KLF17: variants seen among roughly 807,000 people sequenced by gnomAD.
KLF17 encodes KLF transcription factor 17, also known as Krueppel-like factor 17.
A neutral mutation model predicts 34.2 loss-of-function variants in KLF17; 31 were observed. That is an observed-to-expected ratio of 0.91 (90% CI 0.68 to 1.22). The LOEUF (loss-of-function observed/expected upper bound fraction) is 1.22. KLF17 is among the 50% of genes most tolerant of loss of function. The pLI is 0.00. For missense variants in KLF17, 478 were observed against 505.2 expected (o/e 0.95, Z 0.52); for synonymous variants, 179 against 186.7 (o/e 0.96, Z 0.34).
chr1:44,119,212 G>A (rs938914841), intron 1 of KLF17, among the ~76,000 whole-genome samples: 1 of 151,984 alleles, frequency 6.6e-6, no homozygotes, highest in African/African-American at 2.4e-5. Context: ...GGAGACTGGG[G>A]AGGGATTGGA....
At chr1:44,090,794 A>C in the KLF17 span, among the ~76,000 whole-genome samples, 6 of 152,254 alleles carry the variant, frequency 3.9e-5, no homozygotes, top group African/African-American at 1.4e-4. Flanking sequence ...AGGGGAAAAG[A>C]ATCAAAAGGT....
the KLF17 span, among the ~76,000 whole-genome samples, chr1:44,089,211 C>T: frequency 5.3e-5 from 8 of 152,230 alleles, no homozygotes; most frequent in Admixed American, 5.2e-4. Flanking sequence ...ATGCATGTAA[C>T]TACTAGGAGG....
chr1:44,132,231 G>A (rs1328784434), intron 3 of KLF17, among the ~76,000 whole-genome samples: 2 of 152,136 alleles, frequency 1.3e-5, no homozygotes, highest in East Asian at 1.9e-4. Context: ...GCTTGAACCC[G>A]GGAGGTGGAG....
chr1:44,109,482 G>C, the KLF17 span, among the ~76,000 whole-genome samples: 2 of 152,196 alleles, frequency 1.3e-5, no homozygotes, highest in African/African-American at 4.8e-5. Flanking sequence ...AGACTGATTT[G>C]ATGATTTTGC....
the KLF17 span, among the ~76,000 whole-genome samples, chr1:44,073,770 C>T: frequency 6.6e-6 from 1 of 152,168 alleles, no homozygotes; most frequent in Non-Finnish European, 1.5e-5. Flanking sequence ...TCCCTCGGCT[C>T]CAGTGTCTGC....
the KLF17 span, among the ~76,000 whole-genome samples, chr1:44,108,660 C>CTTTT: frequency 0.24 from 18,268 of 75,066 alleles, 3,354 homozygotes; most frequent in Non-Finnish European, 0.28. Context: ...TTTGTTAGCT[C>CTTTT]TTTTTTTTTT....
rs2088139959 is a variant in KLF17, at chr1:44,133,860, G to A, written c.*623G>A. The A allele has an allele frequency of 1.3e-5, 2 of 152,184 alleles. No homozygotes were observed. Among genetic ancestry groups the A allele is most frequent in the Non-Finnish European group, 2.9e-5 (2 of 68,042 alleles). The allele number at this position is 152,184 out of a possible 1,614,324, so 9.4% of individuals were successfully genotyped here. On this transcript the variant is annotated 3_prime_UTR_variant, in exon 4 of 4. Transcript: ENST00000372299. ...GGAATGGACATTATTAAAAGAACAG[G>A]GGCAGAAGTGGCTCATTTATGACCC...
At chr1:44,066,383 A>G in the KLF17 span, among the ~76,000 whole-genome samples, 4 of 144,540 alleles carry the variant, frequency 2.8e-5, no homozygotes, top group East Asian at 6.0e-4. Context: ...GTATGATAAT[A>G]CTTTCCTTTT....
the KLF17 span, among the ~76,000 whole-genome samples, chr1:44,107,969 G>A: frequency 1.8e-3 from 267 of 152,330 alleles, 3 homozygotes; most frequent in African/African-American, 6.1e-3. Context: ...GAGGACTAGT[G>A]TATATTGAAT....
the KLF17 span, chr1:44,105,586 T>C: frequency 6.6e-6 from 1 of 152,226 alleles, no homozygotes; most frequent in African/African-American, 2.4e-5. Flanking sequence ...TTTTCCTTTA[T>C]CATCTTATTT....
the KLF17 span, among the ~76,000 whole-genome samples, chr1:44,071,991 T>G: frequency 0.079 from 11,872 of 149,910 alleles, 455 homozygotes; most frequent in African/African-American, 0.095. Flanking sequence ...TGTTTTTTTT[T>G]GGGGGGGGAC....
intron 1 of KLF17, among the ~76,000 whole-genome samples, chr1:44,119,992 T>C (rs1395615975): frequency 1.3e-5 from 2 of 152,184 alleles, no homozygotes; most frequent in African/African-American, 4.8e-5. Flanking sequence ...ATGGAGAAGC[T>C]AAATATATCA....
chr1:44,056,879 G>A, the KLF17 span, among the ~76,000 whole-genome samples: 1 of 151,952 alleles, frequency 6.6e-6, no homozygotes, highest in Admixed American at 6.6e-5. Context: ...ATGGCTAACA[G>A]GAGGTCACTT....
upstream of KLF17, chr1:44,114,712 T>C (rs113919878): frequency 2.6e-5 from 4 of 152,192 alleles, no homozygotes; most frequent in African/African-American, 9.7e-5. Context: ...TTAACAATAA[T>C]AGATCCAACT....
chr1:44,069,641 A>T, the KLF17 span, among the ~76,000 whole-genome samples: 4 of 152,184 alleles, frequency 2.6e-5, no homozygotes, highest in Admixed American at 6.5e-5. The surrounding 1 kb of genome is among the most constrained non-coding windows in gnomAD (Gnocchi z 4.7). Flanking sequence ...AACACCTCCC[A>T]CTAGGCCCCA....
intron 1 of KLF17, among the ~76,000 whole-genome samples, chr1:44,120,820 G>A (rs988470273): frequency 1.3e-5 from 2 of 152,104 alleles, no homozygotes; most frequent in African/African-American, 4.8e-5. Context: ...GCATATAGTG[G>A]TAAATAAAAC....
At chr1:44,109,977 G>A in the KLF17 span, among the ~76,000 whole-genome samples, 2 of 148,368 alleles carry the variant, frequency 1.3e-5, no homozygotes, top group East Asian at 2.0e-4. Context: ...GCACGATCTC[G>A]GCTCACTGCA....
the KLF17 span, among the ~76,000 whole-genome samples, chr1:44,065,544 G>A: frequency 6.6e-5 from 10 of 151,342 alleles, no homozygotes; most frequent in East Asian, 2.0e-3. Flanking sequence ...CGAGTAGACG[G>A]GATTACAGTT....
intron 1 of KLF17, 105 bp downstream of exon 1, chr1:44,119,093 G>C (rs1434663311): frequency 1.3e-6 from 1 of 759,202 alleles, no homozygotes; most frequent in Non-Finnish European, 2.0e-6. Flanking sequence ...GCAGAAACCC[G>C]AGGGGTAGAA....
Sources: allele counts gnomAD v4.1 joint callset (sites outside exome capture counted in the v4.1 genomes callset), GRCh38; gene constraint gnomAD v4.1.1; non-coding constraint Gnocchi (gnomAD v3.1); transcripts MANE v1.5; gene names NCBI Gene and HGNC (gene_info 2026-07-23, HGNC 2026-07-21).